CATSPERD: variants seen among roughly 807,000 people sequenced by gnomAD.
CATSPERD encodes the protein cation channel sperm-associated auxiliary subunit delta.
A neutral mutation model predicts 98.1 loss-of-function variants in CATSPERD; 86 were observed. The observed-to-expected ratio is 0.88, with a 90% CI of 0.74 to 1.05. The LOEUF is 1.05. Ranked by LOEUF, CATSPERD falls within the 50% of genes least tolerant of loss-of-function variation. The probability of loss-of-function intolerance (pLI) is 0.00; values close to 1 mark genes in which losing one functional copy is unlikely to be tolerated. For synonymous variants in CATSPERD, 394 were observed against 390.2 expected, an observed-to-expected ratio of 1.01 and a Z score of -0.12; for missense variants, 995 against 1,005.7, an observed-to-expected ratio of 0.99 and a Z score of 0.14.
intron 3 of CATSPERD, among the ~76,000 whole-genome samples, chr19:5,729,402 T>C (rs181457964): frequency 1.3e-4 from 20 of 152,286 alleles, no homozygotes; most frequent in Admixed American, 7.2e-4. Context: ...CCTGGCCAAC[T>C]CAGTAATTCT....
At chr19:5,743,342 A>C (rs1045227612) in intron 7 of CATSPERD, among the ~76,000 whole-genome samples, 1 of 151,050 alleles carries the variant, frequency 6.6e-6, no homozygotes, top group Non-Finnish European at 1.5e-5. Context: ...TGATGGCTGT[A>C]ATCCCAGCAC....
chr19:5,741,785 C>CGGGGGGGGGGTGGGG (rs2055969932), intron 7 of CATSPERD, among the ~76,000 whole-genome samples: 1 of 6,096 alleles, frequency 1.6e-4, no homozygotes, highest in African/African-American at 3.9e-4. Flanking sequence ...ATGCTGAAGG[C>CGGGGGGGGGGTGGGG]GGGGGGGGGG....
rs762325095 is a variant in CATSPERD at position 5,745,935 on chromosome 19, A to C, written c.680A>C (p.His227Pro). The stretch of plus-strand genomic sequence containing the variant: ...CAGGGCATGTTCAAGTACTCAGATC[A>C]CCCCCTCAACCGGAGTTTCGGGCTG... ...QGKGMFKYSD[H>P]PLNRSFGLSF... The change falls in exon 9 of 22, where the codon CAC becomes CCC. Residue 227 changes from histidine to proline, a missense_variant. By Grantham distance (77) the His-to-Pro change is moderately conservative. This residue lies in a region of CATSPERD where 762 missense variants were observed against 773.7 expected (regional missense o/e 0.98). Coordinates refer to ENST00000381624, the MANE Select transcript of CATSPERD (RefSeq NM_152784.4). 3.7e-6 allele frequency: 6 copies of C among 1,613,736 alleles called. No homozygotes were observed. Among genetic ancestry groups the C allele is most frequent in the Non-Finnish European group, 4.2e-6 (5 of 1,179,974 alleles).
At position 5,778,416 on chromosome 19, in the gene CATSPERD, G is replaced by A; in HGVS notation, c.2137G>A (p.Gly713Arg). ...LETIFSIYVY[G>R]AFPVQLVSAG... is the part of the protein sequence containing the mutation. ...GACCATCTTTAGCATCTACGTGTAT[G>A]GAGCATTCCCCGTGCAGCTGGTCTC... The change falls in exon 22 of 22, where the codon GGA becomes AGA. Residue 713 changes from glycine to arginine, a missense_variant. By Grantham distance (125) the Gly-to-Arg change is moderately radical. Coordinates refer to ENST00000381624, the MANE Select transcript of CATSPERD (RefSeq NM_152784.4). 2 of 1,613,656 alleles carry A rather than the reference G, an allele frequency of 1.2e-6. No individual in the cohort carries two copies. Among genetic ancestry groups the A allele is most frequent in the African/African-American group, 1.3e-5 (1 of 75,022 alleles).
At chr19:5,747,584 G>C (rs544654660) in intron 9 of CATSPERD, among the ~76,000 whole-genome samples, 8 of 150,856 alleles carry the variant, frequency 5.3e-5, no homozygotes, top group Non-Finnish European at 1.2e-4. Context: ...GAAGATTAAC[G>C]GGGATCTGGT....
rs764381112 is a variant in CATSPERD at position 5,773,042 on chromosome 19, C to A, written c.1941+77C>A. Reference sequence around the variant, plus strand: ...TGGGAGAGTGCGTGAGGACACCGTGCGGCCATGGAACTGAGTATGGAATGA... The same window carrying A: ...TGGGAGAGTGCGTGAGGACACCGTGAGGCCATGGAACTGAGTATGGAATGA... On this transcript the variant is annotated intron_variant, in intron 20 of 21. Coordinates refer to ENST00000381624, the MANE Select transcript of CATSPERD (RefSeq NM_152784.4). 23 of 1,427,350 alleles carry A rather than the reference C, an allele frequency of 1.6e-5. No individual in the cohort carries two copies. The Admixed American group carries it at 2.5e-4, about 16-fold the overall frequency. 88.4% of individuals were successfully genotyped at this position (1,427,350 alleles called of 1,614,324 possible). A position where few individuals can be genotyped will look rare whatever the true frequency, so the allele number is the denominator to read the frequency against.
chr19:5,724,750 A>C (rs2055570831), intron 1 of CATSPERD, 58 bp from the exon 2 acceptor site: 4 of 1,540,308 alleles, frequency 2.6e-6, no homozygotes, highest in Non-Finnish European at 3.6e-6. Flanking sequence ...GCTGAGTAGG[A>C]GGATTCATGC....
rs1332754921 is a variant in CATSPERD at position 5,757,875 on chromosome 19, C to A, written c.1311C>A (p.Phe437Leu). The A allele has an allele frequency of 6.2e-7, 1 of 1,613,328 alleles. No individual in the cohort carries two copies. Among genetic ancestry groups the A allele is most frequent in the South Asian group, 1.1e-5 (1 of 90,996 alleles). Reference sequence around the variant, plus strand: ...TGAGCAACCCCCACTCCCTGGGGTTCCAGGCCACCTTCTACGAGAACGGTT... The same window carrying A: ...TGAGCAACCCCCACTCCCTGGGGTTACAGGCCACCTTCTACGAGAACGGTT... ...VMVSNPHSLG[F>L]QATFYENGYT... The change falls in exon 14 of 22, where the codon TTC becomes TTA. Residue 437 changes from phenylalanine (F) to leucine (L), a missense_variant. Coordinates refer to ENST00000381624, the MANE Select transcript of CATSPERD (RefSeq NM_152784.4).
chr19:5,729,996 G>C, intron 4 of CATSPERD, 52 bp downstream of exon 4: 1 of 1,059,566 alleles, frequency 9.4e-7, no homozygotes, highest in Admixed American at 2.1e-5. Context: ...TAATATTTGG[G>C]GGAAAATACA....
Position 5,723,495 on chromosome 19 carries a change from C to T in CATSPERD, c.72-1313C>T, listed in dbSNP as rs547078520. Among the ~76,000 whole-genome samples, 24 of 135,942 alleles carry T rather than the reference C, an allele frequency of 1.8e-4. No individual in the cohort carries two copies. In the South Asian group the frequency reaches 4.1e-3, roughly 23 times the overall value. The allele number at this position is 135,942 out of a possible 152,430, so 89.2% of individuals were successfully genotyped here. The stretch of plus-strand genomic sequence containing the variant: ...TTTTTTTTTTTTTGAGACGGAGTCT[C>T]GCTCTGTTGCCCAGGCTGGAGTGCA... On this transcript the variant is annotated intron_variant, in intron 1 of 21. Coordinates refer to ENST00000381624, the MANE Select transcript of CATSPERD (RefSeq NM_152784.4).
At chr19:5,766,061 C>T (rs1234601054) in intron 16 of CATSPERD, 42 bp from the exon 17 acceptor site, 24 of 1,552,030 alleles carry the variant, frequency 1.5e-5, no homozygotes, top group Non-Finnish European at 2.1e-5. Flanking sequence ...CCGGGTGACC[C>T]TCACTGACCT....
At chr19:5,722,166 G>A (rs2055498938) in intron 1 of CATSPERD, among the ~76,000 whole-genome samples, 1 of 151,872 alleles carries the variant, frequency 6.6e-6, no homozygotes, top group South Asian at 2.1e-4. Context: ...TCGTCGCCCA[G>A]GCTGGAGTAC....
intron 5 of CATSPERD, among the ~76,000 whole-genome samples, chr19:5,734,501 G>C (rs2055802978): frequency 6.6e-6 from 1 of 152,202 alleles, no homozygotes; most frequent in Admixed American, 6.6e-5. Flanking sequence ...AGCTGGGCGT[G>C]GTGGTGCATG....
At chr19:5,771,259 CTTTTT>C (rs906289622) in intron 19 of CATSPERD, among the ~76,000 whole-genome samples, 187 bp downstream of exon 19, 2 of 152,254 alleles carry the variant, frequency 1.3e-5, no homozygotes, top group Non-Finnish European at 2.9e-5. Flanking sequence ...AACACCTTTT[CTTTTT>C]TTGAGACAGG....
At chr19:5,735,154 T>C (rs2055817566) in intron 5 of CATSPERD, among the ~76,000 whole-genome samples, 1 of 152,130 alleles carries the variant, frequency 6.6e-6, no homozygotes, top group African/African-American at 2.4e-5. Context: ...TTTCTTTTTC[T>C]GGAGACAGAG....
chr19:5,764,285 C>T (rs2056498412), intron 16 of CATSPERD, among the ~76,000 whole-genome samples: 1 of 147,376 alleles, frequency 6.8e-6, no homozygotes, highest in Non-Finnish European at 1.5e-5. Context: ...AAGGTAAATC[C>T]ATGTTTGTCT....
At position 5,737,186 on chromosome 19, in the gene CATSPERD, C is replaced by A. The variant is rs756785711; in HGVS notation, c.440C>A (p.Thr147Asn). ...THVSGDNCCY[T>N]GSLFCVHVSN... ...GTCTCTGGTGATAATTGTTGTTATACTGGAAGTTTGTTTTGTGTGGTAAGT... is the reference window on the plus strand; with the variant it reads ...GTCTCTGGTGATAATTGTTGTTATAATGGAAGTTTGTTTTGTGTGGTAAGT... Residue 147 changes from threonine (T) to asparagine (N), a missense_variant, in exon 6 of 22, where the codon ACT (threonine) becomes AAT (asparagine). By Grantham distance (65) the Thr-to-Asn change is moderately conservative. This residue lies in a region of CATSPERD where 228 missense variants were observed against 209.6 expected (regional missense o/e 1.09). Coordinates refer to ENST00000381624, the MANE Select transcript of CATSPERD (RefSeq NM_152784.4). 4.4e-6 allele frequency: 7 copies of A among 1,608,752 alleles called. No homozygotes were observed. The East Asian group carries it at 1.3e-4, about 31-fold the overall frequency.
Position 5,759,095 on chromosome 19 carries a change from C to G in CATSPERD, c.1378C>G (p.Leu460Val). The change falls in exon 15 of 22, where the codon CTA becomes GTA. Residue 460 changes from leucine to valine, a missense_variant. This residue lies in a region of CATSPERD where 762 missense variants were observed against 773.7 expected (regional missense o/e 0.98). Transcript: ENST00000381624. ...GNTKYKLDIF[L>V]KQQQHWGRTD... ...TCTCTTGACCCCACAGGATATTTTC[C>G]TAAAACAGCAGCAGCACTGGGGCAG... 1 of 1,613,834 alleles carries G rather than the reference C, an allele frequency of 6.2e-7. No individual in the cohort carries two copies.
chr19:5,734,388 C>T (rs2055799619), intron 5 of CATSPERD, among the ~76,000 whole-genome samples: 1 of 152,160 alleles, frequency 6.6e-6, no homozygotes, highest in Non-Finnish European at 1.5e-5. Context: ...CCTGTAATCC[C>T]AGCACTTTGG....
Sources: allele counts gnomAD v4.1 joint callset (sites outside exome capture counted in the v4.1 genomes callset), GRCh38; gene constraint gnomAD v4.1.1; regional missense constraint gnomAD v4.1.1; transcripts MANE v1.5; gene names NCBI Gene and HGNC (gene_info 2026-07-23, HGNC 2026-07-21).